Variants in PLEC observed in about 807,000 individuals in gnomAD.
PLEC encodes plectin, also known as hemidesmosomal protein 1.
A neutral mutation model predicts 392.8 loss-of-function variants in PLEC; 216 were observed. That is an observed-to-expected ratio of 0.55 (90% CI 0.49 to 0.62). The LOEUF is 0.62. PLEC is among the 20% of genes least tolerant of loss of function. The pLI is 0.00. For synonymous variants in PLEC, 3,621 were observed against 2,980.6 expected (o/e 1.21, Z -7.00); for missense variants, 6,863 against 6,563.4 (o/e 1.05, Z -1.58).
upstream of PLEC, among the ~76,000 whole-genome samples, chr8:143,958,173 G>C (rs560812056): frequency 2.0e-5 from 3 of 152,318 alleles, no homozygotes; most frequent in South Asian, 6.2e-4. This position sits in a 1 kb window ranked among gnomAD's most constrained non-coding sequence, Gnocchi z 4.9. Flanking sequence ...ACAGGTGGGA[G>C]GAGAGCCTTC....
intron 1 of PLEC, among the ~76,000 whole-genome samples, chr8:143,972,254 G>T (rs890767814): frequency 2.6e-5 from 4 of 152,230 alleles, no homozygotes; most frequent in African/African-American, 4.8e-5. Flanking sequence ...CTAAGGCAGG[G>T]CCGGCCATGT....
At position 143,925,712 on chromosome 8, in the gene PLEC, T is replaced by C. The variant is rs782179880; in HGVS notation, c.4217A>G (p.Glu1406Gly). 1 of 1,592,182 alleles carries C rather than the reference T, an allele frequency of 6.3e-7. No homozygotes were observed. The highest frequency in any genetic ancestry group is 2.2e-5 in the East Asian group (1 of 44,582). The change falls in exon 31 of 32, where the codon GAG (glutamate) becomes GGG (glycine). Residue 1406 changes from glutamate to glycine, a missense_variant. Coordinates refer to ENST00000345136, the MANE Select transcript of PLEC (RefSeq NM_201384.3). ...CTGCTGCTGCGCGTCCACCGCCGCCTCCTCCCGCCGCACCACCTCCTCCTG... is the reference window on the plus strand; with the variant it reads ...CTGCTGCTGCGCGTCCACCGCCGCCCCCTCCCGCCGCACCACCTCCTCCTG... The part of the protein sequence containing the change: ...RMQEEVVRRE[E>G]AAVDAQQQKR...
At position 143,918,794 on chromosome 8, in the gene PLEC, G is replaced by A. The variant is rs200875002; in HGVS notation, c.11027C>T (p.Ala3676Val). The change falls in exon 32 of 32, where the codon GCT becomes GTT. Residue 3676 changes from alanine (A) to valine (V), a missense_variant. Coordinates refer to ENST00000345136, the MANE Select transcript of PLEC (RefSeq NM_201384.3). ...GCACCAGGCGGACTCCGCCTCGAGA[G>A]CCTCACGGAGGCTCCTGGTGCCCTC... is the stretch of plus-strand genomic sequence containing the variant. ...LREGTRSLRE[A>V]LEAESAWCYL... is the part of the protein sequence containing the mutation. 330 of 1,613,168 alleles carry A rather than the reference G, an allele frequency of 2.0e-4. 1 individual carries two copies. The highest frequency in any genetic ancestry group is 2.5e-4 in the Non-Finnish European group (296 of 1,180,020).
In PLEC at chr8:143,920,312, G is replaced by A. The variant is rs1822140249; in HGVS notation, c.9509C>T (p.Ala3170Val). 5 of 1,591,088 alleles carry A rather than the reference G, an allele frequency of 3.1e-6. No homozygotes were observed. Among genetic ancestry groups the A allele is most frequent in the African/African-American group, 1.3e-5 (1 of 74,714 alleles). The change falls in exon 32 of 32, where the codon GCC becomes GTC. Residue 3170 changes from alanine (A) to valine (V), a missense_variant. Physicochemically the swap from Ala to Val is moderately conservative, Grantham distance 64 (BLOSUM62 0). Coordinates refer to ENST00000345136, the MANE Select transcript of PLEC (RefSeq NM_201384.3). ...RGCLDEETSR[A>V]LSAPRADAKA... ...GGCGTCGGCCCTTGGTGCCGACAGG[G>A]CCCTGCTGGTCTCCTCATCCAGGCA...
chr8:143,951,921 C>A (rs1832192391), upstream of PLEC, among the ~76,000 whole-genome samples: 1 of 150,826 alleles, frequency 6.6e-6, no homozygotes, highest in Non-Finnish European at 1.5e-5. Flanking sequence ...GGCATGAGAA[C>A]CGCACCCAAC....
At chr8:143,960,856 A>G (rs1554740656) in intron 1 of PLEC, among the ~76,000 whole-genome samples, 2 of 152,168 alleles carry the variant, frequency 1.3e-5, no homozygotes, top group Admixed American at 6.5e-5. Context: ...AGCAAATACC[A>G]TGTGATTCTT....
At chr8:143,926,333 G>A (rs1332412147) in intron 30 of PLEC, among the ~76,000 whole-genome samples, 1 of 152,204 alleles carries the variant, frequency 6.6e-6, no homozygotes, top group African/African-American at 2.4e-5. Flanking sequence ...GGAGACAGCA[G>A]TGCAGACCCG....
At chr8:143,975,061 C>G, upstream of PLEC, 1 of 1,189,604 alleles carries the variant, frequency 8.4e-7, no homozygotes, top group South Asian at 1.3e-5. The surrounding 1 kb of genome is among the most constrained non-coding windows in gnomAD (Gnocchi z 9.9). Flanking sequence ...CTCCGTGACC[C>G]GCAGATCCCC....
chr8:143,927,440 C>T lies in PLEC; in HGVS notation c.3726G>A (p.Gln1242=). The T allele has an allele frequency of 6.2e-7, 1 of 1,600,320 alleles. No homozygotes were observed. The highest frequency in any genetic ancestry group is 8.5e-7 in the Non-Finnish European group (1 of 1,178,660). ...CCTGCCGCAGCTGCTCCCGCACAGC[C>T]TGGCTGTCGGCCAGCGGCATGGCCT... is the stretch of plus-strand genomic sequence containing the variant. The part of the protein sequence containing the change: ...QIQAMPLADS[Q]AVREQLRQEQ... The change falls in exon 27 of 32, where the codon CAG becomes CAA. Residue 1242 remains glutamine (Q), a synonymous_variant. Transcript: ENST00000345136.
chr8:143,930,587 T>C (rs1554714304), intron 19 of PLEC, 51 bp from the exon 20 acceptor site: 6 of 1,547,112 alleles, frequency 3.9e-6, no homozygotes, highest in Non-Finnish European at 5.2e-6. Context: ...CCCACAGGCC[T>C]GCCCCAGGCA....
rs548568252 is a variant in PLEC at position 143,919,215 on chromosome 8, T to A, written c.10606A>T (p.Thr3536Ser). The A allele has an allele frequency of 3.1e-6, 5 of 1,613,774 alleles. No individual in the cohort carries two copies. In the South Asian group the frequency reaches 5.5e-5, roughly 18 times the overall value. Residue 3536 changes from threonine (T) to serine (S), a missense_variant, in exon 32 of 32, where the codon ACG (threonine) becomes TCG (serine). Coordinates refer to ENST00000345136, the MANE Select transcript of PLEC (RefSeq NM_201384.3). ...LLERCVEDPE[T>S]GLRLLPLKGA... is the part of the protein sequence containing the mutation. ...TTCAGTGGCAGAAGGCGCAAGCCCGTCTCGGGGTCCTCCACGCACCGCTCC... is the reference window on the plus strand; with the variant it reads ...TTCAGTGGCAGAAGGCGCAAGCCCGACTCGGGGTCCTCCACGCACCGCTCC...
In PLEC at chr8:143,938,683, T is replaced by G; in HGVS notation, c.122A>C (p.Asp41Ala). ...GGTGAAGGTTTTCTTCTGCACACGA[T>G]CCCGCTCATCTGGGGGAGACAAGAC... is the stretch of plus-strand genomic sequence containing the variant. ...RASEGKKDER[D>A]RVQKKTFTKW... Residue 41 changes from aspartate (D) to alanine (A), a missense_variant, in exon 2 of 32, where the codon GAT becomes GCT. Asp to Ala is a moderately radical substitution (Grantham distance 126). Coordinates refer to ENST00000345136, the MANE Select transcript of PLEC (RefSeq NM_201384.3). 1 of 1,613,710 alleles carries G rather than the reference T, an allele frequency of 6.2e-7. No individual in the cohort carries two copies. Among genetic ancestry groups the G allele is most frequent in the Non-Finnish European group, 8.5e-7 (1 of 1,179,934 alleles).
intron 1 of PLEC, among the ~76,000 whole-genome samples, chr8:143,970,505 G>A (rs1309533636): frequency 2.6e-5 from 4 of 152,118 alleles, no homozygotes; most frequent in African/African-American, 9.7e-5. Flanking sequence ...CAATTAGGTT[G>A]ACCTCATGCT....
At chr8:143,953,679 CTG>C (rs781942134), upstream of PLEC, 7 of 1,586,004 alleles carry the variant, frequency 4.4e-6, no homozygotes, top group South Asian at 1.1e-5. Flanking sequence ...CCAGAGGTCA[CTG>C]TGTGGTCCGC....
rs1207487547 is a variant in PLEC, at chr8:143,930,050, C to T, written c.2625G>A (p.Gln875=). 1.9e-6 allele frequency: 3 copies of T among 1,611,136 alleles called. No individual in the cohort carries two copies. The highest frequency in any genetic ancestry group is 2.7e-5 in the African/African-American group (2 of 74,912). The change falls in exon 22 of 32, where the codon CAG becomes CAA. Residue 875 remains glutamine, a synonymous_variant. Coordinates refer to ENST00000345136, the MANE Select transcript of PLEC (RefSeq NM_201384.3). ...GCCACAGCGTGACCAGGGCCTGGTG[C>T]TGGGCCTCCAGCCTGGCAGGTCAGG... The part of the protein sequence containing the change: ...AQEAVTRLEA[Q]HQALVTLWHQ...
Position 143,924,820 on chromosome 8 carries a change from G to A in PLEC, c.5109C>T (p.Gly1703=), listed in dbSNP as rs782589779. The A allele has an allele frequency of 5.2e-6, 8 of 1,542,808 alleles. No individual in the cohort carries two copies. Among genetic ancestry groups the A allele is most frequent in the Non-Finnish European group, 6.1e-6 (7 of 1,151,172 alleles). ...ELEKQRQLAE[G]TAQQRLAAEQ... ...CCGCGGCCAGGCGCTGCTGCGCGGT[G>A]CCTTCCGCCAGCTGCCGCTGCTTCT... is the stretch of plus-strand genomic sequence containing the variant. The change falls in exon 31 of 32, where the codon GGC becomes GGT. Residue 1703 remains glycine (G), a synonymous_variant. Transcript: ENST00000345136.
chr8:143,939,249 G>GC, intron 1 of PLEC, 101 bp downstream of exon 1: 3 of 1,469,556 alleles, frequency 2.0e-6, no homozygotes, highest in Non-Finnish European at 2.8e-6. Flanking sequence ...TCCAAGACCA[G>GC]CCCCCCAGCG....
At position 143,932,437 on chromosome 8, in the gene PLEC, C is replaced by T. The variant is rs782103383; in HGVS notation, c.1940G>A (p.Arg647His). ...CTTCTTGGCGGTCATGTTGGTGTTG[C>T]GGTCGCTCCAGTCGAAGCCCACCTC... Reference protein sequence around the residue: ...EEEVGFDWSDRNTNMTAKKES... With the variant: ...EEEVGFDWSDHNTNMTAKKES... Residue 647 changes from arginine (R) to histidine (H), a missense_variant, in exon 16 of 32, where the codon CGC (arginine) becomes CAC (histidine). Physicochemically the swap from Arg to His is conservative, Grantham distance 29. Transcript: ENST00000345136. The T allele has an allele frequency of 5.0e-6, 8 of 1,612,812 alleles. No individual in the cohort carries two copies. The highest frequency in any genetic ancestry group is 4.0e-5 in the African/African-American group (3 of 75,036).
chr8:143,954,337 C>CCG (rs112078789), upstream of PLEC, among the ~76,000 whole-genome samples: 5 of 151,876 alleles, frequency 3.3e-5, no homozygotes, highest in Non-Finnish European at 5.9e-5. The surrounding 1 kb of genome is among the most constrained non-coding windows in gnomAD (Gnocchi z 4.6). Flanking sequence ...GCCCCTTCCC[C>CCG]GGGCGTCTCG....
Sources: allele counts gnomAD v4.1 joint callset (sites outside exome capture counted in the v4.1 genomes callset), GRCh38; gene constraint gnomAD v4.1.1; non-coding constraint Gnocchi (gnomAD v3.1); transcripts MANE v1.5; gene names NCBI Gene and HGNC (gene_info 2026-07-23, HGNC 2026-07-21).